The following KMT2C variants were observed in gnomAD, a reference collection of about 807,000 sequenced individuals.
The protein encoded by KMT2C is histone-lysine N-methyltransferase 2C.
A neutral mutation model predicts 507.9 loss-of-function variants in KMT2C; 88 were observed. The ratio of observed to expected loss-of-function variants is 0.17; its 90% CI spans 0.15 to 0.21. The LOEUF (loss-of-function observed/expected upper bound fraction) is 0.21. KMT2C is among the 10% of genes least tolerant of loss of function. The probability of loss-of-function intolerance (pLI) is 1.00; values close to 1 mark genes in which losing one functional copy is unlikely to be tolerated. For missense variants in KMT2C, 4,954 were observed against 5,957.8 expected (o/e 0.83, Z 5.55); for synonymous variants, 2,049 against 2,080.8 (o/e 0.98, Z 0.42).
At chr7:152,385,649 A>T (rs1222526031) in intron 1 of KMT2C, among the ~76,000 whole-genome samples, 2 of 134,402 alleles carry the variant, frequency 1.5e-5, no homozygotes, top group Admixed American at 7.6e-5. Flanking sequence ...AAAAAAAAAA[A>T]TTGAGACGTG....
Position 152,266,491 on chromosome 7 carries a change from T to C in KMT2C, c.1013-1282A>G, listed in dbSNP as rs571790369. ...AACTCCTGAGCTCAAGCAATCCTCC[T>C]GCCTCAACCTCCCAAAGTGCTGGGA... On this transcript the variant is annotated intron_variant, in intron 7 of 58. Transcript: ENST00000262189. Among the ~76,000 whole-genome samples the C allele has an allele frequency of 3.0e-3, 460 of 152,258 alleles. 2 individuals are homozygous for C. The highest frequency in any genetic ancestry group is 0.01 in the African/African-American group (435 of 41,554).
chr7:152,156,150 C>T (rs937579306), intron 45 of KMT2C, 55 bp downstream of exon 45: 4 of 1,602,762 alleles, frequency 2.5e-6, no homozygotes, highest in Non-Finnish European at 2.6e-6. Flanking sequence ...TCACAATACA[C>T]AACTGGCAGA....
At chr7:152,324,897 AT>A (rs1301652774) in intron 3 of KMT2C, among the ~76,000 whole-genome samples, 9 of 152,080 alleles carry the variant, frequency 5.9e-5, no homozygotes, top group African/African-American at 1.7e-4. Flanking sequence ...TGTTTAAAAA[AT>A]GTCATAATCA....
chr7:152,145,327 C>T (rs752280543), intron 53 of KMT2C, 32 bp from the exon 54 acceptor site: 45 of 1,608,516 alleles, frequency 2.8e-5, no homozygotes, highest in African/African-American at 2.7e-4. Context: ...ACAAAGTCAC[C>T]CCATCTGATG....
At chr7:152,359,557 T>C (rs1391950889) in intron 1 of KMT2C, among the ~76,000 whole-genome samples, 1 of 150,898 alleles carries the variant, frequency 6.6e-6, no homozygotes, top group East Asian at 1.9e-4. Flanking sequence ...ATCATTTGAG[T>C]GCAAGAGTTC....
chr7:152,313,567 ATTTT>A (rs996998149), intron 4 of KMT2C, among the ~76,000 whole-genome samples: 5 of 152,060 alleles, frequency 3.3e-5, no homozygotes, highest in African/African-American at 4.8e-5. Context: ...AAAATTCTTG[ATTTT>A]TTTATTTAGT....
chr7:152,368,608 C>T, intron 1 of KMT2C: 7 of 1,435,798 alleles, frequency 4.9e-6, no homozygotes, highest in Non-Finnish European at 6.8e-6. Context: ...TATTTTAGAA[C>T]AGAACTCTTC....
intron 16 of KMT2C, among the ~76,000 whole-genome samples, chr7:152,234,643 G>A (rs1300984728): frequency 6.6e-6 from 1 of 152,158 alleles, no homozygotes; most frequent in Non-Finnish European, 1.5e-5. Context: ...ACTCACGCCT[G>A]TAATCCCAGC....
chr7:152,263,357 G>C (rs1268158158), intron 8 of KMT2C, among the ~76,000 whole-genome samples: 1 of 152,136 alleles, frequency 6.6e-6, no homozygotes, highest in Non-Finnish European at 1.5e-5. Context: ...AGCCATTTTA[G>C]GATTCCTGCA....
At chr7:152,272,594 T>C (rs534041497) in intron 7 of KMT2C, among the ~76,000 whole-genome samples, 8 of 152,314 alleles carry the variant, frequency 5.3e-5, no homozygotes, top group Admixed American at 3.3e-4. Flanking sequence ...CTCTTCCAGA[T>C]TGAAGAGTGT....
intron 7 of KMT2C, among the ~76,000 whole-genome samples, chr7:152,269,217 C>T (rs1482828922): frequency 1.3e-5 from 2 of 152,166 alleles, no homozygotes; most frequent in Non-Finnish European, 2.9e-5. Flanking sequence ...TACTGATAAC[C>T]TTGCTGTGTT....
chr7:152,283,372 G>A (rs186244670), intron 6 of KMT2C, among the ~76,000 whole-genome samples: 4 of 152,274 alleles, frequency 2.6e-5, no homozygotes, highest in African/African-American at 9.6e-5. Context: ...TTTAGTAGGA[G>A]TAAACACAGA....
intron 16 of KMT2C, among the ~76,000 whole-genome samples, chr7:152,232,688 T>C (rs980886125): frequency 6.6e-5 from 10 of 152,128 alleles, no homozygotes; most frequent in African/African-American, 2.4e-4. Flanking sequence ...TATTGATGTG[T>C]TACATGCATA....
Position 152,181,357 on chromosome 7 carries a change from G to A in KMT2C, c.6503C>T (p.Pro2168Leu). ...CTGACTATATGGGTCAACAGTAGTAGGCCGGGGAGTTCCAGGAGGTTGAGA... is the reference window on the plus strand; with the variant it reads ...CTGACTATATGGGTCAACAGTAGTAAGCCGGGGAGTTCCAGGAGGTTGAGA... ...PYSQPPGTPR[P>L]TTVDPYSQQP... The change falls in exon 36 of 59, where the codon CCT becomes CTT. Residue 2168 changes from proline (P) to leucine (L), a missense_variant. By Grantham distance (98) the Pro-to-Leu change is moderately conservative. Around this residue, in one of 29 missense-constraint regions of KMT2C, gnomAD observed 1,689 missense variants for 1,654.3 expected, o/e 1.02. Transcript: ENST00000262189. The A allele has an allele frequency of 6.2e-7, 1 of 1,614,076 alleles. No individual in the cohort carries two copies. Among genetic ancestry groups the A allele is most frequent in the South Asian group, 1.1e-5 (1 of 91,064 alleles).
chr7:152,266,594 C>T (rs1452976112), intron 7 of KMT2C, among the ~76,000 whole-genome samples: 2 of 152,244 alleles, frequency 1.3e-5, no homozygotes, highest in African/African-American at 4.8e-5. Context: ...CTCTCTGACT[C>T]ACACGTTCTT....
chr7:152,351,411 A>C (rs1393493288), intron 2 of KMT2C, among the ~76,000 whole-genome samples: 1 of 152,198 alleles, frequency 6.6e-6, no homozygotes, highest in African/African-American at 2.4e-5. Flanking sequence ...TGACATCATG[A>C]CAGCTATGAC....
At chr7:152,216,150 AC>A (rs2094577955) in intron 23 of KMT2C, among the ~76,000 whole-genome samples, 1 of 152,136 alleles carries the variant, frequency 6.6e-6, no homozygotes, top group African/African-American at 2.4e-5. Flanking sequence ...TCGATCTGGG[AC>A]CACCAGTTGA....
chr7:152,347,807 T>A (rs2097074251), intron 2 of KMT2C, among the ~76,000 whole-genome samples: 1 of 152,226 alleles, frequency 6.6e-6, no homozygotes, highest in South Asian at 2.1e-4. Context: ...TTTTTCTTAA[T>A]TTTTTAAATA....
chr7:152,158,822 T>C (rs1343665505), intron 44 of KMT2C, 41 bp downstream of exon 44: 2 of 1,593,454 alleles, frequency 1.3e-6, no homozygotes, highest in Non-Finnish European at 1.7e-6. Flanking sequence ...GCCTATATCC[T>C]TGACTTTTAA....
Sources: allele counts gnomAD v4.1 joint callset (sites outside exome capture counted in the v4.1 genomes callset), GRCh38; gene constraint gnomAD v4.1.1; regional missense constraint gnomAD v4.1.1; transcripts MANE v1.5; gene names NCBI Gene and HGNC (gene_info 2026-07-23, HGNC 2026-07-21).